Variants in EVL observed in about 807,000 individuals in gnomAD.
EVL encodes Enah/Vasp-like.
Under a neutral mutation model 59.6 loss-of-function variants are expected in EVL, and 21 were observed. The observed-to-expected ratio is 0.35, with a 90% CI of 0.25 to 0.51. The LOEUF (loss-of-function observed/expected upper bound fraction) is 0.51, where lower values mean the gene tolerates loss of function less well. Ranked by LOEUF, EVL falls within the 20% of genes least tolerant of loss-of-function variation. EVL has a pLI of 0.97. For synonymous variants in EVL, 198 were observed against 203.5 expected (o/e 0.97, Z 0.23); for missense variants, 462 against 546.6 (o/e 0.85, Z 1.54).
intron 1 of EVL, among the ~76,000 whole-genome samples, chr14:100,008,687 A>G (rs970327714): frequency 6.6e-5 from 10 of 152,256 alleles, no homozygotes; most frequent in Admixed American, 6.5e-5. Context: ...ATCTTTTAAA[A>G]AATAACTGCA....
intron 3 of EVL, among the ~76,000 whole-genome samples, chr14:100,122,146 G>C (rs1887739513): frequency 1.3e-5 from 2 of 152,210 alleles, no homozygotes; most frequent in South Asian, 4.1e-4. Context: ...CAGTCAGGGG[G>C]CGGGGGGACA....
rs1235182950 is a variant in EVL at position 100,004,915 on chromosome 14, TAATGA to T, written c.5+32862_5+32866del. Among the ~76,000 whole-genome samples, 32 of 136,032 alleles carry T rather than the reference TAATGA, an allele frequency of 2.4e-4. 1 individual carries two copies. The South Asian group carries it at 7.7e-3, about 33-fold the overall frequency. 89.2% of individuals were successfully genotyped at this position (136,032 alleles called of 152,430 possible). On this transcript the variant is annotated intron_variant, in intron 1 of 13. Transcript: ENST00000402714. ...ATATTTTTATTGGAATATACCTAAA[TAATGA>T]AATATCTGTTATTTAATTTAACTTT...
chr14:100,110,609 T>A (rs1886906816), intron 3 of EVL, among the ~76,000 whole-genome samples: 1 of 151,906 alleles, frequency 6.6e-6, no homozygotes, highest in Admixed American at 6.5e-5. Context: ...CAAATCAAGA[T>A]CTGAGAAGAG....
chr14:100,106,966 T>G, intron 3 of EVL: 1 of 398,662 alleles, frequency 2.5e-6, no homozygotes, highest in Admixed American at 4.4e-5. Flanking sequence ...GGGAGCAGCT[T>G]GGTCTAGCAG....
rs369070624 is a variant in EVL at position 100,141,811 on chromosome 14, G to C, written c.1219+18G>C. The stretch of plus-strand genomic sequence containing the variant: ...CATCGACGGTGAGTGCAGCCCCACC[G>C]GGGAGGGTGGCACCCAGGTGTGGCC... On this transcript the variant is annotated intron_variant, in intron 13 of 13. Transcript: ENST00000392920. The C allele has an allele frequency of 6.2e-7, 1 of 1,610,632 alleles. No homozygotes were observed. Among genetic ancestry groups the C allele is most frequent in the Non-Finnish European group, 8.5e-7 (1 of 1,178,842 alleles).
intron 1 of EVL, among the ~76,000 whole-genome samples, chr14:99,990,375 TAACC>T (rs1186808539): frequency 2.0e-5 from 3 of 152,194 alleles, no homozygotes; most frequent in East Asian, 3.8e-4. Context: ...CCCACTGTCT[TAACC>T]ATTTTTAAGT....
At chr14:100,063,695 C>T (rs977778623), upstream of EVL, among the ~76,000 whole-genome samples, 1 of 152,214 alleles carries the variant, frequency 6.6e-6, no homozygotes, top group Non-Finnish European at 1.5e-5. Context: ...CTGAACAATA[C>T]TATTAACCAC....
intron 2 of EVL, among the ~76,000 whole-genome samples, chr14:100,095,476 A>G (rs933543827): frequency 2.0e-5 from 3 of 152,178 alleles, no homozygotes; most frequent in Non-Finnish European, 4.4e-5. Context: ...GGTTCTTATT[A>G]TTTGGTAGTT....
chr14:100,005,042 A>C (rs1248999672), intron 1 of EVL, among the ~76,000 whole-genome samples: 2 of 152,256 alleles, frequency 1.3e-5, no homozygotes, highest in Admixed American at 1.3e-4. Flanking sequence ...ACTTATGAAA[A>C]CTACAACAGT....
chr14:100,083,359 TAC>T (rs937644962), intron 1 of EVL, among the ~76,000 whole-genome samples: 1 of 152,132 alleles, frequency 6.6e-6, no homozygotes, highest in Admixed American at 6.5e-5. Context: ...TGGTTCTGTG[TAC>T]AGTTTACTCT....
intron 1 of EVL, chr14:100,052,752 CAAA>C (rs750058813): frequency 2.4e-5 from 3 of 124,578 alleles, no homozygotes; most frequent in African/African-American, 2.9e-5. Flanking sequence ...GACCGTGTCT[CAAA>C]AAAAAAAAAA....
In EVL at chr14:100,114,513, T is replaced by C. The variant is rs1013031473; in HGVS notation, c.359-9026T>C. The C allele has an allele frequency of 2.0e-5, 3 of 152,270 alleles. No homozygotes were observed. Among genetic ancestry groups the C allele is most frequent in the African/African-American group, 4.8e-5 (2 of 41,444 alleles). The allele number at this position is 152,270 out of a possible 1,614,324, so 9.4% of individuals were successfully genotyped here. A position where few individuals can be genotyped will look rare whatever the true frequency, so the allele number is the denominator to read the frequency against. On this transcript the variant is annotated intron_variant, in intron 3 of 13. Transcript: ENST00000392920. The surrounding 1 kb of genome is among the most constrained non-coding windows in gnomAD (Gnocchi z 5.0). ...GTTAGCTGAGCAGCCTCATTAAAGA[T>C]TGAGGTGGGGAAGCCCACTTGATGG...
At chr14:100,034,247 A>G (rs1026569290) in intron 1 of EVL, among the ~76,000 whole-genome samples, 3 of 151,570 alleles carry the variant, frequency 2.0e-5, no homozygotes, top group Admixed American at 6.6e-5. Context: ...AAAAAAAAAA[A>G]AAAGAAAAAG....
intron 1 of EVL, among the ~76,000 whole-genome samples, chr14:100,072,416 G>A (rs1484844587): frequency 6.6e-6 from 1 of 152,138 alleles, no homozygotes; most frequent in African/African-American, 2.4e-5. Context: ...TGTATTTTTA[G>A]TAGAGATGGG....
Position 100,129,740 on chromosome 14 carries a change from G to A in EVL, c.839+56G>A, listed in dbSNP as rs776808184. The A allele has an allele frequency of 2.6e-5, 38 of 1,475,578 alleles. 1 individual carries two copies. The East Asian group carries it at 2.8e-4, about 11-fold the overall frequency. The allele number at this position is 1,475,578 out of a possible 1,614,324, so 91.4% of individuals were successfully genotyped here. A position where few individuals can be genotyped will look rare whatever the true frequency, so the allele number is the denominator to read the frequency against. ...TGCCTAGCAGGAAGCTCCTGCCCCCGCCCCCAGCGCTGCACAGAGAATCCT... is the reference window on the plus strand; with the variant it reads ...TGCCTAGCAGGAAGCTCCTGCCCCCACCCCCAGCGCTGCACAGAGAATCCT... On this transcript the variant is annotated intron_variant, in intron 7 of 13. Coordinates refer to ENST00000392920, the MANE Select transcript of EVL (RefSeq NM_016337.3).
At chr14:100,084,236 G>T (rs1172504953) in intron 1 of EVL, among the ~76,000 whole-genome samples, 1 of 151,804 alleles carries the variant, frequency 6.6e-6, no homozygotes, top group Non-Finnish European at 1.5e-5. Flanking sequence ...GTTTTTAGAG[G>T]CAGGGGGCAT....
intron 1 of EVL, among the ~76,000 whole-genome samples, chr14:99,982,686 CATT>C (rs1449970770): frequency 1.3e-5 from 2 of 152,168 alleles, no homozygotes; most frequent in Non-Finnish European, 2.9e-5. Flanking sequence ...TACGAAGATG[CATT>C]GTCTTTGTCT....
At chr14:100,016,578 A>C (rs764111555) in intron 1 of EVL, among the ~76,000 whole-genome samples, 1 of 152,236 alleles carries the variant, frequency 6.6e-6, no homozygotes, top group Non-Finnish European at 1.5e-5. Flanking sequence ...CTCCGTCTCT[A>C]AAACAAACAA....
chr14:99,975,112 C>T (rs1008953669), intron 1 of EVL: 1 of 152,346 alleles, frequency 6.6e-6, no homozygotes, highest in Non-Finnish European at 1.5e-5. Flanking sequence ...CATTTTGGGG[C>T]CTCTAGGCCC....
Sources: gnomAD v4.1 joint callset for allele counts (sites outside exome capture counted in the v4.1 genomes callset) on GRCh38, gnomAD v4.1.1 for gene constraint, Gnocchi (gnomAD v3.1) non-coding constraint, MANE v1.5 for transcripts, NCBI Gene and HGNC (gene_info 2026-07-23, HGNC 2026-07-21) for gene names.